The following KHDC4 variants were observed in gnomAD, a reference collection of about 807,000 sequenced individuals.
KHDC4 encodes KH homology domain-containing protein 4.
KHDC4 carries 19 observed loss-of-function variants against 74.5 expected under a neutral mutation model. The ratio of observed to expected loss-of-function variants is 0.26; its 90% CI spans 0.18 to 0.37. The LOEUF is 0.37. Among genes scored for constraint, KHDC4 ranks in the 10% least tolerant of loss-of-function variants. The pLI is 1.00. For missense variants in KHDC4, 632 were observed against 754.1 expected, an observed-to-expected ratio of 0.84 and a Z score of 1.90; for synonymous variants, 253 against 266.1, an observed-to-expected ratio of 0.95 and a Z score of 0.48.
In KHDC4 at chr1:155,926,823, G is replaced by C; in HGVS notation, c.534C>G (p.Ile178Met). 6.2e-7 allele frequency: 1 copy of C among 1,614,118 alleles called. No individual in the cohort carries two copies. Among genetic ancestry groups the C allele is most frequent in the Non-Finnish European group, 8.5e-7 (1 of 1,180,026 alleles). The change falls in exon 6 of 14, where the codon ATC (isoleucine) becomes ATG (methionine). Residue 178 changes from isoleucine (I) to methionine (M), a missense_variant. Coordinates refer to ENST00000368321, the MANE Select transcript of KHDC4 (RefSeq NM_014949.4). ...RELVDRAVNR[I>M]KEIITNGVVK... ...CCACTCCATTGGTGATAATTTCTTT[G>C]ATCCGGTTTACAGCTCCTTAGAAAA... is the stretch of plus-strand genomic sequence containing the variant.
chr1:155,921,358 A>G lies in KHDC4; in HGVS notation c.1266+17T>C, dbSNP rs762185860. The G allele has an allele frequency of 6.2e-7, 1 of 1,612,236 alleles. No individual in the cohort carries two copies. The highest frequency in any genetic ancestry group is 1.7e-5 in the Admixed American group (1 of 59,972). On this transcript the variant is annotated intron_variant, in intron 10 of 13. Transcript: ENST00000368321. ...CCTAAATTCAGTAATATGTTGTTGCATATCCTGACATCCTACCTGTCCAGT... is the reference window on the plus strand; with the variant it reads ...CCTAAATTCAGTAATATGTTGTTGCGTATCCTGACATCCTACCTGTCCAGT...
chr1:155,933,149 G>A (rs1410858899), intron 2 of KHDC4, among the ~76,000 whole-genome samples: 1 of 152,170 alleles, frequency 6.6e-6, no homozygotes, highest in Non-Finnish European at 1.5e-5. Context: ...AATGTAATCA[G>A]CCCAATCAAA....
chr1:155,921,410 T>C lies in KHDC4; in HGVS notation c.1231A>G (p.Ile411Val), dbSNP rs1234748984. The change falls in exon 10 of 14, where the codon ATA (isoleucine) becomes GTA (valine). Residue 411 changes from isoleucine to valine, a missense_variant. Ile to Val is a conservative substitution (Grantham distance 29, BLOSUM62 3). Around this residue, in one of 4 missense-constraint regions of KHDC4, gnomAD observed 254 missense variants for 267.4 expected, o/e 0.95. Coordinates refer to ENST00000368321, the MANE Select transcript of KHDC4 (RefSeq NM_014949.4). ...CTAGCTGGAGGCTGCACTTGTGTTA[T>C]CGGGTATTGTGTTGGCACAGGTGGG... ...GVPPVPTQYP[I>V]TQVQPPASTG... 3 of 1,614,118 alleles carry C rather than the reference T, an allele frequency of 1.9e-6. No individual in the cohort carries two copies. The highest frequency in any genetic ancestry group is 2.2e-5 in the South Asian group (2 of 91,074).
At chr1:155,915,041 T>TTCTC (rs143213703) in intron 13 of KHDC4, 41 of 151,050 alleles carry the variant, frequency 2.7e-4, no homozygotes, top group African/African-American at 9.0e-4. Context: ...TAAAACTATT[T>TTCTC]TCTCTCTCTC....
chr1:155,919,533 G>A (rs1038013508), intron 10 of KHDC4, among the ~76,000 whole-genome samples: 17 of 152,068 alleles, frequency 1.1e-4, no homozygotes, highest in South Asian at 4.2e-4. Context: ...ACATTAGGCC[G>A]GGCGCGGTGG....
intron 7 of KHDC4, among the ~76,000 whole-genome samples, chr1:155,924,764 G>C (rs1673947071): frequency 6.6e-6 from 1 of 151,448 alleles, no homozygotes; most frequent in Non-Finnish European, 1.5e-5. Flanking sequence ...AGGAGAGTCA[G>C]GGTTTCACCA....
chr1:155,922,477 A>G (rs989741141), intron 8 of KHDC4, among the ~76,000 whole-genome samples: 4 of 152,186 alleles, frequency 2.6e-5, no homozygotes, highest in Non-Finnish European at 5.9e-5. Context: ...AAATCTATAA[A>G]TTATTAAGCC....
At position 155,925,634 on chromosome 1, in the gene KHDC4, G is replaced by T; in HGVS notation, c.891C>A (p.Ile297=). ...REAFEPMYIY[I]SHPKPEGLAA... ...TCCCCTGCCCTATCCATCCATACCT[G>T]ATGTAAATATACATAGGTTCAAAAG... The change falls in exon 7 of 14, where the codon ATC becomes ATA. Residue 297 remains isoleucine, a splice_region_variant and synonymous_variant. Coordinates refer to ENST00000368321, the MANE Select transcript of KHDC4 (RefSeq NM_014949.4). 1 of 1,612,984 alleles carries T rather than the reference G, an allele frequency of 6.2e-7. No individual in the cohort carries two copies. Among genetic ancestry groups the T allele is most frequent in the Non-Finnish European group, 8.5e-7 (1 of 1,178,984 alleles).
intron 2 of KHDC4, among the ~76,000 whole-genome samples, chr1:155,932,878 A>G (rs1052442658): frequency 1.3e-5 from 2 of 152,148 alleles, no homozygotes; most frequent in Non-Finnish European, 2.9e-5. Flanking sequence ...CAGAGGTTGT[A>G]GTGAGCCGAG....
intron 13 of KHDC4, chr1:155,915,041 T>C (rs966177970): frequency 6.6e-6 from 1 of 151,050 alleles, no homozygotes; most frequent in Non-Finnish European, 1.5e-5. Context: ...TAAAACTATT[T>C]TCTCTCTCTC....
intron 10 of KHDC4, among the ~76,000 whole-genome samples, chr1:155,917,942 T>A (rs1051644384): frequency 6.6e-6 from 1 of 152,194 alleles, no homozygotes; most frequent in Non-Finnish European, 1.5e-5. Flanking sequence ...GGAGTAAACA[T>A]GACCATTAAC....
intron 13 of KHDC4, chr1:155,915,546 T>C: frequency 3.0e-6 from 1 of 338,692 alleles, no homozygotes; most frequent in Non-Finnish European, 5.3e-6. Flanking sequence ...CTTGCTCTAT[T>C]GCCCAGGCTG....
chr1:155,926,907 A>C, intron 5 of KHDC4, 68 bp from the exon 6 acceptor site: 1 of 1,555,290 alleles, frequency 6.4e-7, no homozygotes, highest in Non-Finnish European at 8.9e-7. Flanking sequence ...GCCAGTGTTC[A>C]ATTATTCACC....
At chr1:155,924,277 T>G (rs1673933859) in intron 7 of KHDC4, among the ~76,000 whole-genome samples, 1 of 151,988 alleles carries the variant, frequency 6.6e-6, no homozygotes, top group Non-Finnish European at 1.5e-5. Flanking sequence ...TGGCGCGATC[T>G]CAGCTCACTG....
chr1:155,927,832 CCACACACACACACACACACACACACA>C (rs199711249), intron 4 of KHDC4, among the ~76,000 whole-genome samples: 23 of 90,926 alleles, frequency 2.5e-4, no homozygotes, highest in East Asian at 1.2e-3. Context: ...AAAAAAAAAA[CCACACACACACACACACACACACACA>C]CACACACACA....
At chr1:155,915,699 A>T (rs1390801782) in intron 13 of KHDC4, 174 bp downstream of exon 13, 1 of 514,872 alleles carries the variant, frequency 1.9e-6, no homozygotes, top group Admixed American at 3.2e-5. Flanking sequence ...TAGAGATGGG[A>T]TTTCACTATG....
intron 6 of KHDC4, chr1:155,926,434 A>G (rs952020804): frequency 2.1e-6 from 1 of 482,282 alleles, no homozygotes; most frequent in African/African-American, 2.0e-5. Flanking sequence ...GCTTCAAGCA[A>G]TTCTCCTGCC....
At position 155,928,930 on chromosome 1, in the gene KHDC4, C is replaced by T. The variant is rs932171633; in HGVS notation, c.464+366G>A. On this transcript the variant is annotated intron_variant, in intron 4 of 13. Transcript: ENST00000368321. ...TCACGCCACTGCACTATAGCCTGGGCGACAGAGCAAGACTCCATCTCAAAA... is the reference window on the plus strand; with the variant it reads ...TCACGCCACTGCACTATAGCCTGGGTGACAGAGCAAGACTCCATCTCAAAA... Among the ~76,000 whole-genome samples the T allele has an allele frequency of 8.0e-5, 11 of 136,914 alleles. No homozygotes were observed. In the Admixed American group the frequency reaches 8.1e-4, roughly 10 times the overall value. The allele number at this position is 136,914 out of a possible 152,430, so 89.8% of individuals were successfully genotyped here. A position where few individuals can be genotyped will look rare whatever the true frequency, so the allele number is the denominator to read the frequency against.
At chr1:155,925,607 T>TG in intron 7 of KHDC4, 25 bp downstream of exon 7, 1 of 1,590,726 alleles carries the variant, frequency 6.3e-7, no homozygotes, top group South Asian at 1.1e-5. Flanking sequence ...AGAATTCACA[T>TG]GTCCCCTGCC....
Sources: gnomAD v4.1 joint callset for allele counts (sites outside exome capture counted in the v4.1 genomes callset) on GRCh38, gnomAD v4.1.1 for gene constraint, gnomAD v4.1.1 regional missense constraint, MANE v1.5 for transcripts, NCBI Gene and HGNC (gene_info 2026-07-23, HGNC 2026-07-21) for gene names.